The following TRPC4 variants were observed in gnomAD, a reference collection of about 807,000 sequenced individuals.
TRPC4 encodes short transient receptor potential channel 4.
Under a neutral mutation model 99.4 loss-of-function variants are expected in TRPC4, and 49 were observed. The observed-to-expected ratio is 0.49, with a 90% CI of 0.39 to 0.63. TRPC4 has a LOEUF of 0.63. TRPC4 is among the 20% of genes least tolerant of loss of function. The pLI is 0.00. For synonymous variants in TRPC4, 454 were observed against 425.9 expected (o/e 1.07, Z -0.81); for missense variants, 898 against 1,152.9 (o/e 0.78, Z 3.20).
intron 1 of TRPC4, among the ~76,000 whole-genome samples, chr13:37,787,254 T>C (rs1956994833): frequency 6.6e-6 from 1 of 152,026 alleles, no homozygotes; most frequent in Admixed American, 6.6e-5. Flanking sequence ...AAGATACATG[T>C]TTACGGATGT....
At chr13:37,855,017 GC>G (rs1480538010) in intron 1 of TRPC4, 1 of 151,628 alleles carries the variant, frequency 6.6e-6, no homozygotes, top group Non-Finnish European at 1.5e-5. Context: ...AATAGAATAA[GC>G]TTTTCAATCA....
intron 1 of TRPC4, among the ~76,000 whole-genome samples, chr13:37,858,429 T>C (rs539570808): frequency 6.6e-6 from 1 of 151,676 alleles, no homozygotes; most frequent in South Asian, 2.1e-4. Flanking sequence ...GCAGGGTATA[T>C]ACCCAAAATA....
intron 1 of TRPC4, among the ~76,000 whole-genome samples, chr13:37,860,023 T>C (rs1430860972): frequency 6.6e-6 from 1 of 150,994 alleles, no homozygotes; most frequent in African/African-American, 2.4e-5. Flanking sequence ...CAAAAATAGC[T>C]CATCAAACAT....
chr13:37,757,198 A>G (rs779634160), intron 2 of TRPC4, among the ~76,000 whole-genome samples: 17 of 152,132 alleles, frequency 1.1e-4, no homozygotes, highest in Non-Finnish European at 5.9e-5. Flanking sequence ...TATCAGATAT[A>G]TAGTGTAATA....
intron 10 of TRPC4, 115 bp from the exon 11 acceptor site, chr13:37,637,740 C>T (rs952767680): frequency 2.0e-6 from 2 of 1,014,230 alleles, no homozygotes; most frequent in East Asian, 5.2e-5. Context: ...AACAAGGATT[C>T]TACTCTACTG....
chr13:37,815,953 G>A (rs1473012904), intron 1 of TRPC4, among the ~76,000 whole-genome samples: 1 of 151,132 alleles, frequency 6.6e-6, no homozygotes, highest in East Asian at 2.0e-4. Flanking sequence ...TAAAACAATA[G>A]TAATAAAATC....
At chr13:37,780,429 T>C (rs1042951623) in intron 2 of TRPC4, among the ~76,000 whole-genome samples, 4 of 152,024 alleles carry the variant, frequency 2.6e-5, no homozygotes, top group Non-Finnish European at 4.4e-5. Flanking sequence ...CTCAATAAAA[T>C]GAATGATGAC....
chr13:37,729,966 T>A lies in TRPC4; in HGVS notation c.897+15971A>T, dbSNP rs184037536. Among the ~76,000 whole-genome samples, 228 of 152,088 alleles carry A rather than the reference T, an allele frequency of 1.5e-3. 2 individuals are homozygous for A. Among genetic ancestry groups the A allele is most frequent in the African/African-American group, 5.2e-3 (216 of 41,500 alleles). On this transcript the variant is annotated intron_variant, in intron 3 of 10. Coordinates refer to ENST00000379705, the MANE Select transcript of TRPC4 (RefSeq NM_016179.4). The stretch of plus-strand genomic sequence containing the variant: ...CACTCAACTACACACACAAAATGGT[T>A]AAGATAGTAAATTTTATATTTGTAT...
chr13:37,822,392 A>C (rs1236394604), intron 1 of TRPC4, among the ~76,000 whole-genome samples: 1 of 151,978 alleles, frequency 6.6e-6, no homozygotes, highest in Non-Finnish European at 1.5e-5. Context: ...GTCATCTAGC[A>C]TTAGGTATAT....
At chr13:37,767,683 C>T (rs1956418461) in intron 2 of TRPC4, among the ~76,000 whole-genome samples, 2 of 151,420 alleles carry the variant, frequency 1.3e-5, no homozygotes, top group South Asian at 4.2e-4. Context: ...TAACTAAAGC[C>T]TGTAAGACCT....
At chr13:37,686,732 A>C (rs1342546892) in intron 4 of TRPC4, among the ~76,000 whole-genome samples, 3 of 152,182 alleles carry the variant, frequency 2.0e-5, no homozygotes, top group African/African-American at 7.2e-5. Flanking sequence ...CTAGGAATTC[A>C]ATAGAAGCTA....
chr13:37,643,318 C>T (rs745671405), intron 8 of TRPC4, among the ~76,000 whole-genome samples: 2 of 152,138 alleles, frequency 1.3e-5, no homozygotes, highest in Non-Finnish European at 2.9e-5. Flanking sequence ...CACACTTTTG[C>T]CCTTAAATGG....
intron 2 of TRPC4, among the ~76,000 whole-genome samples, chr13:37,756,071 T>A (rs1956089107): frequency 1.3e-5 from 2 of 152,238 alleles, no homozygotes; most frequent in South Asian, 4.1e-4. Flanking sequence ...TTCAACTTAG[T>A]TATATTTAAA....
At chr13:37,678,383 A>T (rs1953129387) in intron 4 of TRPC4, among the ~76,000 whole-genome samples, 1 of 152,094 alleles carries the variant, frequency 6.6e-6, no homozygotes, top group African/African-American at 2.4e-5. Flanking sequence ...ATGATTAACA[A>T]AAAAAGATGA....
intron 3 of TRPC4, among the ~76,000 whole-genome samples, chr13:37,708,707 T>TTA (rs1954373335): frequency 6.7e-6 from 1 of 148,344 alleles, no homozygotes; most frequent in South Asian, 2.1e-4. Context: ...TATATATAGT[T>TTA]TATATATACA....
At chr13:37,752,698 C>G (rs1430163595) in intron 2 of TRPC4, among the ~76,000 whole-genome samples, 2 of 151,602 alleles carry the variant, frequency 1.3e-5, no homozygotes, top group South Asian at 2.1e-4. Context: ...TTGGGGTATA[C>G]AGAGACTTAA....
chr13:37,654,977 TA>T, intron 7 of TRPC4, 110 bp downstream of exon 7: 1 of 849,168 alleles, frequency 1.2e-6, no homozygotes, highest in Non-Finnish European at 1.6e-6. Context: ...CTTATCTGTC[TA>T]ATCAATAGCT....
At chr13:37,694,078 T>C (rs959793979) in intron 3 of TRPC4, among the ~76,000 whole-genome samples, 5 of 152,204 alleles carry the variant, frequency 3.3e-5, no homozygotes, top group African/African-American at 1.2e-4. Flanking sequence ...ACTGTTCTCT[T>C]TAAGAGTTTT....
chr13:37,694,942 C>T (rs1232028894), intron 3 of TRPC4, among the ~76,000 whole-genome samples: 2 of 152,218 alleles, frequency 1.3e-5, no homozygotes, highest in African/African-American at 4.8e-5. Context: ...TTCGACCAAA[C>T]ATGCTCTTTA....
Sources: gnomAD v4.1 joint callset for allele counts (sites outside exome capture counted in the v4.1 genomes callset) on GRCh38, gnomAD v4.1.1 for gene constraint, MANE v1.5 for transcripts, NCBI Gene and HGNC (gene_info 2026-07-23, HGNC 2026-07-21) for gene names.